PPHLN1: variants seen among roughly 807,000 people sequenced by gnomAD.
The protein encoded by PPHLN1 is periphilin-1.
In PPHLN1, 29 loss-of-function variants were observed where a neutral mutation model predicts 51.3. The observed-to-expected ratio is 0.57, with a 90% CI of 0.42 to 0.77. The LOEUF is 0.77. Among genes scored for constraint, PPHLN1 ranks in the 30% least tolerant of loss-of-function variants. The pLI, the probability that PPHLN1 is intolerant of heterozygous loss-of-function variation, is 0.00. For missense variants in PPHLN1, 436 were observed against 438.4 expected (o/e 0.99, Z 0.05); for synonymous variants, 147 against 147.8 (o/e 0.99, Z 0.04).
chr12:42,437,505 T>G (rs939880054), intron 9 of PPHLN1, among the ~76,000 whole-genome samples: 1 of 152,198 alleles, frequency 6.6e-6, no homozygotes, highest in Non-Finnish European at 1.5e-5. Flanking sequence ...TGTGTGATTA[T>G]TTTTGGGAAA....
intron 5 of PPHLN1, among the ~76,000 whole-genome samples, chr12:42,377,327 G>T (rs138109797): frequency 7.7e-6 from 1 of 129,502 alleles, no homozygotes. Flanking sequence ...TTTTGTCTGA[G>T]ACGGAGTCTT....
intron 4 of PPHLN1, among the ~76,000 whole-genome samples, chr12:42,370,633 A>G (rs781226134): frequency 2.0e-5 from 3 of 151,998 alleles, no homozygotes; most frequent in Non-Finnish European, 4.4e-5. Flanking sequence ...GCTTTTTTCT[A>G]TCAGCCTTCA....
chr12:42,429,542 T>G (rs565977806), intron 9 of PPHLN1, among the ~76,000 whole-genome samples: 2 of 152,350 alleles, frequency 1.3e-5, no homozygotes, highest in South Asian at 4.1e-4. Flanking sequence ...CATGATCTTT[T>G]ATTTGGAATA....
chr12:42,442,975 G>C (rs766421758), downstream of PPHLN1: 1 of 488,584 alleles, frequency 2.0e-6, no homozygotes, highest in Non-Finnish European at 3.5e-6. Flanking sequence ...CTAGAGCTTT[G>C]GGAAAAAGTG....
At chr12:42,424,835 G>T (rs550377394) in intron 9 of PPHLN1, among the ~76,000 whole-genome samples, 1 of 152,092 alleles carries the variant, frequency 6.6e-6, no homozygotes, top group Admixed American at 6.6e-5. Context: ...ATAAAAAAAT[G>T]AAAGTTTTTC....
At chr12:42,424,204 G>T (rs2081235677) in intron 9 of PPHLN1, among the ~76,000 whole-genome samples, 1 of 152,140 alleles carries the variant, frequency 6.6e-6, no homozygotes, top group African/African-American at 2.4e-5. Context: ...CCATGAAGCA[G>T]GCTATCATGG....
rs1001728671 is a variant in PPHLN1 at position 42,332,617 on chromosome 12, A to G, written c.-20-3266A>G. 6 of 1,419,918 alleles carry G rather than the reference A, an allele frequency of 4.2e-6. No homozygotes were observed. The African/African-American group carries it at 4.2e-5, about 10-fold the overall frequency. 88.0% of individuals were successfully genotyped at this position (1,419,918 alleles called of 1,614,324 possible). A position where few individuals can be genotyped will look rare whatever the true frequency, so the allele number is the denominator to read the frequency against. ...ATTATTTCTCTATATTGGTTGGTTT[A>G]TACAGACACAAATCTTTACGTCTGT... is the stretch of plus-strand genomic sequence containing the variant. On this transcript the variant is annotated intron_variant, in intron 1 of 9. Coordinates refer to ENST00000358314, the MANE Select transcript of PPHLN1 (RefSeq NM_201439.2).
chr12:42,354,609 TTTGA>T (rs1320167371), intron 3 of PPHLN1, among the ~76,000 whole-genome samples: 1 of 152,222 alleles, frequency 6.6e-6, no homozygotes, highest in Admixed American at 6.5e-5. Flanking sequence ...ATGTGCTTTG[TTTGA>T]TTAATTTTAA....
chr12:42,398,868 A>G lies in PPHLN1; in HGVS notation c.783A>G (p.Ala261=). 1.9e-6 allele frequency: 3 copies of G among 1,613,750 alleles called. No individual in the cohort carries two copies. Among genetic ancestry groups the G allele is most frequent in the Non-Finnish European group, 2.5e-6 (3 of 1,179,872 alleles). ...TCCTTTTCAAGGCGGGATCCACAGCACCATTGTTTACTGACCAGCCAGAGG... is the reference window on the plus strand; with the variant it reads ...TCCTTTTCAAGGCGGGATCCACAGCGCCATTGTTTACTGACCAGCCAGAGG... ...EISEYEAGST[A]PLFTDQPEEP... Residue 261 remains alanine (A), a synonymous_variant, in exon 9 of 10, where the codon GCA becomes GCG. Transcript: ENST00000358314.
chr12:42,381,548 G>A (rs1360387578), intron 5 of PPHLN1, among the ~76,000 whole-genome samples: 2 of 152,184 alleles, frequency 1.3e-5, no homozygotes, highest in African/African-American at 2.4e-5. Context: ...CCAAAAGTTG[G>A]ATCTTGAGGG....
intron 2 of PPHLN1, among the ~76,000 whole-genome samples, chr12:42,341,690 C>G (rs1291468308): frequency 6.6e-6 from 1 of 152,056 alleles, no homozygotes. Context: ...CGGGCGATCT[C>G]GGCTCACTGC....
intron 9 of PPHLN1, among the ~76,000 whole-genome samples, chr12:42,435,011 T>A (rs1236150454): frequency 2.0e-5 from 3 of 152,240 alleles, no homozygotes; most frequent in East Asian, 3.8e-4. Flanking sequence ...GTCTTACATT[T>A]AAATTTTGTG....
chr12:42,442,528 A>C (rs1593060626), downstream of PPHLN1: 13 of 1,430,462 alleles, frequency 9.1e-6, no homozygotes, highest in Non-Finnish European at 1.2e-5. Flanking sequence ...AAGCGGCTCC[A>C]GCTTATCAGG....
At chr12:42,389,851 A>G (rs983811593) in intron 7 of PPHLN1, among the ~76,000 whole-genome samples, 7 of 151,658 alleles carry the variant, frequency 4.6e-5, no homozygotes, top group African/African-American at 1.7e-4. Flanking sequence ...GTAGGTACAT[A>G]TCTCTATTCT....
chr12:42,413,982 A>G (rs2080130207), intron 9 of PPHLN1, among the ~76,000 whole-genome samples: 1 of 151,654 alleles, frequency 6.6e-6, no homozygotes, highest in Non-Finnish European at 1.5e-5. Flanking sequence ...GAATTTTAGG[A>G]TTGTTTTTTC....
chr12:42,408,849 C>CT (rs1474587496), intron 9 of PPHLN1, among the ~76,000 whole-genome samples: 2 of 152,182 alleles, frequency 1.3e-5, no homozygotes, highest in Non-Finnish European at 2.9e-5. Context: ...TGAGAAAAAA[C>CT]TATTCCTTTG....
chr12:42,331,259 C>G (rs1370359507), intron 1 of PPHLN1, among the ~76,000 whole-genome samples: 2 of 152,144 alleles, frequency 1.3e-5, no homozygotes, highest in African/African-American at 4.8e-5. Context: ...GGAGGGGAAG[C>G]TATTTATCCT....
intron 7 of PPHLN1, 53 bp downstream of exon 7, chr12:42,387,588 C>T (rs2077298517): frequency 3.2e-6 from 5 of 1,580,980 alleles, no homozygotes; most frequent in Admixed American, 1.9e-5. Context: ...TTGAGATGGA[C>T]TGACTAGTAC....
chr12:42,390,487 A>G (rs1449669984), intron 7 of PPHLN1, among the ~76,000 whole-genome samples: 1 of 151,816 alleles, frequency 6.6e-6, no homozygotes. Context: ...AAGTTACAAC[A>G]TAGAGTTTTG....
Sources: allele counts gnomAD v4.1 joint callset (sites outside exome capture counted in the v4.1 genomes callset), GRCh38; gene constraint gnomAD v4.1.1; transcripts MANE v1.5; gene names NCBI Gene and HGNC (gene_info 2026-07-23, HGNC 2026-07-21).